ANKRD36: variants seen among roughly 807,000 people sequenced by gnomAD.
ANKRD36 encodes the protein ankyrin repeat domain-containing protein 36A.
A neutral mutation model predicts 278.1 loss-of-function variants in ANKRD36; 179 were observed. The ratio of observed to expected loss-of-function variants is 0.64; its 90% CI spans 0.57 to 0.73. The LOEUF is 0.73. Among genes scored for constraint, ANKRD36 ranks in the 30% least tolerant of loss-of-function variants. The probability of loss-of-function intolerance (pLI) is 0.00; values close to 1 mark genes in which losing one functional copy is unlikely to be tolerated. For missense variants in ANKRD36, 1,159 were observed against 1,956.7 expected (o/e 0.59, Z 7.69); for synonymous variants, 320 against 641.1 (o/e 0.50, Z 7.57).
In ANKRD36 at chr2:97,144,635, C is replaced by T. The variant is rs200169613; in HGVS notation, c.931-5C>T. 13 of 1,545,244 alleles carry T rather than the reference C, an allele frequency of 8.4e-6. No individual in the cohort carries two copies. The highest frequency in any genetic ancestry group is 1.0e-5 in the Non-Finnish European group (12 of 1,148,810). ...ATTGATTATTTTGTTTGAAATCCCACTCAGGATACAAGTGACAAGGATGAT... is the reference window on the plus strand; with the variant it reads ...ATTGATTATTTTGTTTGAAATCCCATTCAGGATACAAGTGACAAGGATGAT... On this transcript the variant is annotated splice_region_variant and splice_polypyrimidine_tract_variant and intron_variant, in intron 9 of 75. Coordinates refer to ENST00000420699, the MANE Select transcript of ANKRD36 (RefSeq NM_001354587.1).
chr2:97,158,528 T>G (rs2048102934), intron 16 of ANKRD36, 60 bp from the exon 17 acceptor site: 3 of 1,518,884 alleles, frequency 2.0e-6, no homozygotes, highest in Non-Finnish European at 1.8e-6. Flanking sequence ...CACCCGGTTC[T>G]TATTTCTTGA....
At chr2:97,192,517 ACATT>A (rs1222879748) in intron 36 of ANKRD36, among the ~76,000 whole-genome samples, 1 of 151,754 alleles carries the variant, frequency 6.6e-6, no homozygotes, top group Non-Finnish European at 1.5e-5. Flanking sequence ...ACCTGCTTTG[ACATT>A]CATTCTCAGG....
At chr2:97,179,827 A>T in intron 23 of ANKRD36, 34 bp from the exon 24 acceptor site, 3 of 1,601,160 alleles carry the variant, frequency 1.9e-6, no homozygotes, top group Non-Finnish European at 2.5e-6. Flanking sequence ...AACCTACTTT[A>T]CATATTGATT....
At chr2:97,131,325 G>T (rs2923963) in intron 6 of ANKRD36, among the ~76,000 whole-genome samples, 43 of 151,902 alleles carry the variant, frequency 2.8e-4, no homozygotes, top group African/African-American at 9.7e-5. Flanking sequence ...AAGTCGGTGA[G>T]ACTGCTACAA....
intron 32 of ANKRD36, among the ~76,000 whole-genome samples, chr2:97,188,439 T>G (rs60778496): frequency 2.6e-4 from 39 of 151,836 alleles, no homozygotes; most frequent in African/African-American, 8.9e-4. Flanking sequence ...CACGACTGGA[T>G]GAAGAAATTT....
chr2:97,234,977 T>C (rs1343758032), intron 68 of ANKRD36, among the ~76,000 whole-genome samples: 1 of 139,066 alleles, frequency 7.2e-6, no homozygotes, highest in Non-Finnish European at 1.5e-5. Context: ...ACTTTTCACT[T>C]GCTTTGTAGT....
At chr2:97,123,931 G>A (rs1300081133) in intron 4 of ANKRD36, among the ~76,000 whole-genome samples, 3 of 137,746 alleles carry the variant, frequency 2.2e-5, no homozygotes, top group African/African-American at 7.8e-5. Flanking sequence ...AACCATCCTT[G>A]AAGGATATAT....
chr2:97,127,759 A>T (rs956862843), intron 6 of ANKRD36, among the ~76,000 whole-genome samples: 1 of 151,624 alleles, frequency 6.6e-6, no homozygotes, highest in Non-Finnish European at 1.5e-5. Context: ...AAGTAAATTT[A>T]CTCCATTTAC....
At chr2:97,227,531 A>G (rs1486301856) in intron 67 of ANKRD36, among the ~76,000 whole-genome samples, 1 of 152,112 alleles carries the variant, frequency 6.6e-6, no homozygotes, top group Non-Finnish European at 1.5e-5. Context: ...TTGGGCTGAG[A>G]CAATGGGGTT....
chr2:97,146,641 T>C, intron 11 of ANKRD36, 125 bp downstream of exon 11: 1 of 819,244 alleles, frequency 1.2e-6, no homozygotes, highest in African/African-American at 1.8e-5. Context: ...ATTTATCATG[T>C]CATGTCATCT....
At chr2:97,215,127 T>A (rs1408002737) in intron 60 of ANKRD36, among the ~76,000 whole-genome samples, 174 bp from the exon 61 acceptor site, 4 of 150,956 alleles carry the variant, frequency 2.6e-5, no homozygotes, top group Non-Finnish European at 5.9e-5. Flanking sequence ...CCTGTATTCC[T>A]GTTTTCTTCA....
chr2:97,231,484 G>A (rs575827473), intron 67 of ANKRD36, among the ~76,000 whole-genome samples: 20 of 152,252 alleles, frequency 1.3e-4, no homozygotes, highest in South Asian at 4.2e-4. Flanking sequence ...TAAGCCCGTC[G>A]GAAAAGTGCA....
chr2:97,172,051 T>C (rs1410795104), intron 22 of ANKRD36, among the ~76,000 whole-genome samples: 1 of 151,996 alleles, frequency 6.6e-6, no homozygotes, highest in Non-Finnish European at 1.5e-5. Flanking sequence ...TTTAAGACGG[T>C]GATTCTGAGC....
chr2:97,117,954 T>A, intron 1 of ANKRD36, 110 bp from the exon 2 acceptor site: 1 of 1,429,424 alleles, frequency 7.0e-7, no homozygotes, highest in Non-Finnish European at 9.3e-7. Context: ...CGCTAACAAA[T>A]GTTGTACTTT....
intron 22 of ANKRD36, among the ~76,000 whole-genome samples, chr2:97,177,695 T>G (rs1480798757): frequency 6.6e-6 from 1 of 151,694 alleles, no homozygotes; most frequent in Non-Finnish European, 1.5e-5. Flanking sequence ...ATTAAAGACT[T>G]AAACGTTAGA....
chr2:97,135,125 A>G (rs549511656), intron 6 of ANKRD36, among the ~76,000 whole-genome samples: 1 of 152,118 alleles, frequency 6.6e-6, no homozygotes, highest in East Asian at 1.9e-4. Context: ...TTTGCCATAG[A>G]ATAGAGTACA....
intron 52 of ANKRD36, among the ~76,000 whole-genome samples, chr2:97,207,124 A>G (rs1238364430): frequency 1.3e-5 from 2 of 151,546 alleles, no homozygotes; most frequent in Non-Finnish European, 3.0e-5. Context: ...TGATATTTTT[A>G]TTGAGGCTAA....
intron 46 of ANKRD36, among the ~76,000 whole-genome samples, chr2:97,201,632 A>C (rs1399436081): frequency 1.3e-5 from 2 of 151,958 alleles, no homozygotes; most frequent in African/African-American, 4.8e-5. Flanking sequence ...GGGAGAGATA[A>C]TGAATATTAT....
chr2:97,187,678 A>G (rs551259343), intron 32 of ANKRD36, among the ~76,000 whole-genome samples: 2 of 151,944 alleles, frequency 1.3e-5, no homozygotes, highest in East Asian at 2.0e-4. Flanking sequence ...GCTCTGGGGA[A>G]CAGCATAGTT....
Sources: allele counts gnomAD v4.1 joint callset (sites outside exome capture counted in the v4.1 genomes callset), GRCh38; gene constraint gnomAD v4.1.1; transcripts MANE v1.5; gene names NCBI Gene and HGNC (gene_info 2026-07-23, HGNC 2026-07-21).